KIAA1210: variants seen among roughly 807,000 people sequenced by gnomAD.
KIAA1210 encodes acrosomal protein KIAA1210.
KIAA1210 carries 48 observed loss-of-function variants against 78.9 expected under a neutral mutation model. The ratio of observed to expected loss-of-function variants is 0.61; its 90% CI spans 0.48 to 0.77. The LOEUF is 0.77. Among genes scored for constraint, KIAA1210 ranks in the 30% least tolerant of loss-of-function variants. The probability of loss-of-function intolerance (pLI) is 0.00; values close to 1 mark genes in which losing one functional copy is unlikely to be tolerated. For synonymous variants in KIAA1210, 406 were observed against 404.5 expected (o/e 1.00, Z -0.04); for missense variants, 1,108 against 1,100.0 (o/e 1.01, Z -0.10).
intron 3 of KIAA1210, 137 bp from the exon 4 acceptor site, chrX:119,109,339 G>A: frequency 1.8e-6 from 1 of 555,988 alleles, no homozygotes. Flanking sequence ...ATAGAAAGTG[G>A]TTCATGAGAT....
At chrX:119,143,032 TG>T (rs766296077) in intron 2 of KIAA1210, among the ~76,000 whole-genome samples, 11 of 111,610 alleles carry the variant, frequency 9.9e-5, no homozygotes, top group Non-Finnish European at 1.5e-4. Flanking sequence ...ATAAAGCTCT[TG>T]GCATGAGGCA....
chrX:119,137,700 C>G (rs1438650864), intron 2 of KIAA1210, among the ~76,000 whole-genome samples: 2 of 112,097 alleles, frequency 1.8e-5, no homozygotes, highest in Admixed American at 1.9e-4. Flanking sequence ...TTTTTTTAAG[C>G]TCATCAGCTG....
chrX:119,125,735 A>ATATT (rs5903546), intron 1 of KIAA1210, among the ~76,000 whole-genome samples: 1 of 15,790 alleles, frequency 6.3e-5, no homozygotes, highest in African/African-American at 2.6e-4. Context: ...ATATATATAT[A>ATATT]TTTTTTTTTT....
At chrX:119,106,736 G>A (rs1402792481) in intron 5 of KIAA1210, among the ~76,000 whole-genome samples, 1 of 112,712 alleles carries the variant, frequency 8.9e-6, no homozygotes, top group African/African-American at 3.2e-5. Flanking sequence ...AACAGAAAAT[G>A]TCTTGGAGAG....
At chrX:119,131,887 C>T (rs1048790345), upstream of KIAA1210, among the ~76,000 whole-genome samples, 1 of 112,200 alleles carries the variant, frequency 8.9e-6, no homozygotes, top group Non-Finnish European at 1.9e-5. Context: ...CCAGCCTGGG[C>T]AACACAGGAA....
intron 6 of KIAA1210, among the ~76,000 whole-genome samples, chrX:119,104,124 A>C (rs1927817495): frequency 8.9e-6 from 1 of 112,477 alleles, no homozygotes; most frequent in South Asian, 3.7e-4. Context: ...ATTTTACTAC[A>C]ATAAAAAATG....
intron 1 of KIAA1210, among the ~76,000 whole-genome samples, chrX:119,124,587 T>G (rs1013836621): frequency 8.9e-6 from 1 of 111,967 alleles, no homozygotes; most frequent in Non-Finnish European, 1.9e-5. Context: ...CTGAAACATC[T>G]GACTACATGA....
At position 119,088,454 on chromosome X, in the gene KIAA1210, G is replaced by GT. The variant is rs1374560983; in HGVS notation, c.2247dup (p.Gln750ThrfsTer33). The stretch of plus-strand genomic sequence containing the variant: ...GTGCCCACTGAACTGGTGGGGACTT[G>GT]TTGCTGAACAGTAGGATTCATAATG... On this transcript the variant is annotated frameshift_variant, in exon 9 of 12. Coordinates refer to ENST00000691062, the MANE Select transcript of KIAA1210 (RefSeq NM_001394962.1). LOFTEE classifies it high-confidence loss of function. The GT allele has an allele frequency of 5.8e-6, 7 of 1,211,047 alleles. No homozygotes were observed.
In KIAA1210 at chrX:119,150,517, C is replaced by T. The variant is rs1197871042; in HGVS notation, c.63G>A (p.Arg21=). 3 of 1,208,977 alleles carry T rather than the reference C, an allele frequency of 2.5e-6. No individual in the cohort carries two copies. In the African/African-American group the frequency reaches 5.2e-5, roughly 21 times the overall value. ...GGCCCAGGTGAGCCAGGTAGGGGTG[C>T]CGGCCAGGAAGGAGAGAAGCGTGAA... Residue 21 remains arginine, a synonymous_variant, in exon 1 of 14, where the codon CGG becomes CGA. Coordinates refer to the KIAA1210 transcript ENST00000402510.
rs374605166 is a variant in KIAA1210 at position 119,109,077 on chromosome X, T to C, written c.356A>G (p.Gln119Arg). 7 of 1,207,551 alleles carry C rather than the reference T, an allele frequency of 5.8e-6. No homozygotes were observed. The highest frequency in any genetic ancestry group is 7.8e-6 in the Non-Finnish European group (7 of 893,844). The change falls in exon 4 of 12, where the codon CAG becomes CGG. Residue 119 changes from glutamine to arginine, a missense_variant and splice_region_variant. Coordinates refer to ENST00000691062, the MANE Select transcript of KIAA1210 (RefSeq NM_001394962.1). ...SMDPQRGRPQ[Q>R]RSHISRTLPK... The stretch of plus-strand genomic sequence containing the variant: ...ACTGATGCTCGAGTCCACTATTACC[T>C]GCTGAGGTCTGCCTCTCTGGGGATC...
At chrX:119,107,549 C>T (rs1927930026) in intron 5 of KIAA1210, among the ~76,000 whole-genome samples, 1 of 111,905 alleles carries the variant, frequency 8.9e-6, no homozygotes, top group Admixed American at 9.5e-5. Context: ...GGGAAATAGT[C>T]TTCTGACCCT....
upstream of KIAA1210, among the ~76,000 whole-genome samples, chrX:119,131,225 C>G (rs769118731): frequency 8.9e-6 from 1 of 112,351 alleles, no homozygotes; most frequent in East Asian, 2.8e-4. Context: ...ATTCCCACCC[C>G]CTGGTATGCA....
chrX:119,108,582 A>T, intron 4 of KIAA1210, 111 bp from the exon 5 acceptor site: 1 of 942,974 alleles, frequency 1.1e-6, no homozygotes, highest in Non-Finnish European at 1.4e-6. Flanking sequence ...AAGTGAATAT[A>T]GGCCAGGCAC....
chrX:119,132,736 G>A (rs1175197096), upstream of KIAA1210, among the ~76,000 whole-genome samples: 1 of 111,123 alleles, frequency 9.0e-6, no homozygotes, highest in Non-Finnish European at 1.9e-5. Context: ...GCTCAAGCAA[G>A]CCTCCTGCCT....
rs1299846067 is a variant in KIAA1210 at position 119,088,916 on chromosome X, T to C, written c.1786A>G (p.Arg596Gly). The change falls in exon 9 of 12, where the codon AGG (arginine) becomes GGG (glycine). Residue 596 changes from arginine (R) to glycine (G), a missense_variant. Physicochemically the swap from Arg to Gly is moderately radical, Grantham distance 125. Coordinates refer to ENST00000691062, the MANE Select transcript of KIAA1210 (RefSeq NM_001394962.1). ...GAGACTTCTTCAGCATCAGGCTTCC[T>C]TGAGGACTGAAAAAGGCTTCTGGGA... is the stretch of plus-strand genomic sequence containing the variant. Reference protein sequence around the residue: ...LPPRSLFQSSRKPDAEEVSSD... With the variant: ...LPPRSLFQSSGKPDAEEVSSD... The C allele has an allele frequency of 8.3e-7, 1 of 1,211,347 alleles. No homozygotes were observed. The highest frequency in any genetic ancestry group is 1.1e-6 in the Non-Finnish European group (1 of 895,121).
intron 6 of KIAA1210, among the ~76,000 whole-genome samples, chrX:119,098,362 T>C (rs1927621473): frequency 8.9e-6 from 1 of 111,829 alleles, no homozygotes; most frequent in Non-Finnish European, 1.9e-5. Context: ...CTCAGCACTT[T>C]GGGAGGCTGA....
At chrX:119,103,453 C>A (rs1219286715) in intron 6 of KIAA1210, among the ~76,000 whole-genome samples, 1 of 111,668 alleles carries the variant, frequency 9.0e-6, no homozygotes, top group East Asian at 2.8e-4. Context: ...AAGTGTTAGC[C>A]AGGATGTGGA....
Position 119,098,742 on chromosome X carries a change from A to C in KIAA1210, c.649-2051T>G, listed in dbSNP as rs367744963. Among the ~76,000 whole-genome samples the C allele has an allele frequency of 3.6e-4, 40 of 111,236 alleles. No individual in the cohort carries two copies. In the South Asian group the frequency reaches 0.015, roughly 41 times the overall value. On this transcript the variant is annotated intron_variant, in intron 6 of 11. Transcript: ENST00000691062. ...TCACTGTTCTCACTGTCTGACATAC[A>C]ATATGTTTTCCTTATTTAGCTTGCT...
chrX:119,121,449 G>C (rs1418329461), intron 2 of KIAA1210, among the ~76,000 whole-genome samples: 2 of 111,638 alleles, frequency 1.8e-5, no homozygotes, highest in Non-Finnish European at 3.8e-5. Context: ...CTATAACAAA[G>C]CCACTGATTT....
Sources: allele counts gnomAD v4.1 joint callset (sites outside exome capture counted in the v4.1 genomes callset), GRCh38; gene constraint gnomAD v4.1.1; transcripts MANE v1.5; gene names NCBI Gene and HGNC (gene_info 2026-07-23, HGNC 2026-07-21).